The following ABCA13 variants were observed in gnomAD, a reference collection of about 807,000 sequenced individuals.
The protein encoded by ABCA13 is ATP-binding cassette sub-family A member 13.
Under a neutral mutation model 478.7 loss-of-function variants are expected in ABCA13, and 476 were observed. That is an observed-to-expected ratio of 0.99 (90% CI 0.92 to 1.07). ABCA13 has a LOEUF of 1.07. ABCA13 is among the 50% of genes least tolerant of loss of function. The pLI is 0.00. For missense variants in ABCA13, 6,060 were observed against 5,910.6 expected (o/e 1.03, Z -0.83); for synonymous variants, 2,252 against 2,158.9 (o/e 1.04, Z -1.20).
In ABCA13 at chr7:48,219,478, CT is replaced by C; in HGVS notation, c.415del (p.Trp139GlyfsTer2). 6.2e-7 allele frequency: 1 copy of C among 1,612,834 alleles called. No homozygotes were observed. Among genetic ancestry groups the C allele is most frequent in the Non-Finnish European group, 8.5e-7 (1 of 1,179,408 alleles). Reference sequence around the variant, plus strand: ...GGACAAGGCAAAAAACTTAAAAAGACTTTGGGTAGAACGATCCAACACTCCA... The same window carrying C: ...GGACAAGGCAAAAAACTTAAAAAGACTTGGGTAGAACGATCCAACACTCCA... ...MMDKAKNLKRLWVERSNTPDS... is the reference protein window; with the variant it reads ...MMDKAKNLKRXWVERSNTPDS... On this transcript the variant is annotated frameshift_variant, in exon 4 of 62. Transcript: ENST00000435803. LOFTEE classifies it high-confidence loss of function.
intron 15 of ABCA13, among the ~76,000 whole-genome samples, chr7:48,268,774 T>C (rs1038980525): frequency 1.3e-5 from 2 of 152,070 alleles, no homozygotes; most frequent in Non-Finnish European, 2.9e-5. Flanking sequence ...ATCAGTATAT[T>C]ACATTGCTCG....
chr7:48,627,095 A>G, intron 59 of ABCA13: 2 of 960,522 alleles, frequency 2.1e-6, no homozygotes, highest in Non-Finnish European at 2.5e-6. Context: ...AATTTGCCAA[A>G]TGCTTTCTGT....
intron 15 of ABCA13, among the ~76,000 whole-genome samples, chr7:48,259,237 G>T (rs1397490682): frequency 6.6e-6 from 1 of 152,098 alleles, no homozygotes; most frequent in African/African-American, 2.4e-5. Flanking sequence ...GGTTGTGTAA[G>T]TTTCATTGTA....
chr7:48,409,063 A>T (rs185329506), intron 39 of ABCA13, among the ~76,000 whole-genome samples: 9 of 152,366 alleles, frequency 5.9e-5, no homozygotes, highest in African/African-American at 1.2e-4. Context: ...TAATGATCAA[A>T]TCAGGGTAAT....
chr7:48,392,153 T>C lies in ABCA13; in HGVS notation c.11873+14T>C. ...GCAAGTCAATCAGTTAGTAAACAGT[T>C]GTCTCTCTGCTCCTCCTGCCTCTGC... On this transcript the variant is annotated intron_variant, in intron 38 of 61. Coordinates refer to ENST00000435803, the MANE Select transcript of ABCA13 (RefSeq NM_152701.5). The C allele has an allele frequency of 6.2e-6, 10 of 1,611,324 alleles. No homozygotes were observed. Among genetic ancestry groups the C allele is most frequent in the Non-Finnish European group, 8.5e-6 (10 of 1,178,134 alleles).
intron 55 of ABCA13, among the ~76,000 whole-genome samples, chr7:48,534,482 G>A (rs778267325): frequency 4.6e-5 from 7 of 152,054 alleles, no homozygotes; most frequent in East Asian, 1.9e-4. Flanking sequence ...TCCTTAAAAC[G>A]TAGGTGATGA....
chr7:48,467,041 C>T lies in ABCA13; in HGVS notation c.12901C>T (p.Arg4301Cys), dbSNP rs773730745. The T allele has an allele frequency of 5.4e-5, 87 of 1,613,828 alleles. No individual in the cohort carries two copies. The highest frequency in any genetic ancestry group is 6.7e-5 in the Non-Finnish European group (79 of 1,179,840). The change falls in exon 44 of 62, where the codon CGC becomes TGC. Residue 4301 changes from arginine (R) to cysteine (C), a missense_variant. Physicochemically the swap from Arg to Cys is radical, Grantham distance 180 (BLOSUM62 -3). Transcript: ENST00000435803. Reference protein sequence around the residue: ...QDLPCADLNPRQKNSSCWRTD... With the variant: ...QDLPCADLNPCQKNSSCWRTD... ...TTTGCCCTGTGCAGATTTAAACCCA[C>T]GCCAGTAAGTGTCAGGTGCTCTCTG...
At chr7:48,382,939 A>T (rs988316072) in intron 35 of ABCA13, among the ~76,000 whole-genome samples, 4 of 152,030 alleles carry the variant, frequency 2.6e-5, no homozygotes, top group African/African-American at 7.3e-5. Context: ...AGGGCAAGGG[A>T]TATGATGTTC....
chr7:48,253,433 T>C (rs967064483), intron 15 of ABCA13, among the ~76,000 whole-genome samples: 3 of 152,216 alleles, frequency 2.0e-5, no homozygotes, highest in Non-Finnish European at 2.9e-5. Context: ...ATGAAGGGGA[T>C]GAAGAGTGAA....
chr7:48,463,341 G>T (rs1162638244), intron 43 of ABCA13, among the ~76,000 whole-genome samples: 1 of 152,170 alleles, frequency 6.6e-6, no homozygotes, highest in African/African-American at 2.4e-5. Context: ...TGGGCTGCCA[G>T]TACTTTCTGT....
At chr7:48,441,582 C>T (rs527475097) in intron 42 of ABCA13, among the ~76,000 whole-genome samples, 1 of 152,124 alleles carries the variant, frequency 6.6e-6, no homozygotes, top group African/African-American at 2.4e-5. Context: ...TTATGAAGAC[C>T]GATGCCTGCA....
intron 50 of ABCA13, 43 bp downstream of exon 50, chr7:48,508,092 A>G: frequency 6.2e-7 from 1 of 1,612,716 alleles, no homozygotes; most frequent in Non-Finnish European, 8.5e-7. Flanking sequence ...CACAATAGTG[A>G]TCTAAATAGT....
chr7:48,202,123 T>G (rs573958645), intron 3 of ABCA13, among the ~76,000 whole-genome samples: 1 of 152,250 alleles, frequency 6.6e-6, no homozygotes, highest in South Asian at 2.1e-4. Flanking sequence ...GTAGCAAGAT[T>G]TATTGCAAGG....
intron 39 of ABCA13, 64 bp from the exon 40 acceptor site, chr7:48,410,456 G>C (rs1353620576): frequency 3.8e-6 from 6 of 1,591,304 alleles, no homozygotes; most frequent in Non-Finnish European, 5.2e-6. Context: ...CCTGAGGAAA[G>C]GAGGGAAGGT....
intron 15 of ABCA13, among the ~76,000 whole-genome samples, chr7:48,249,954 A>G (rs1346860333): frequency 1.3e-5 from 2 of 152,180 alleles, no homozygotes; most frequent in Non-Finnish European, 2.9e-5. Flanking sequence ...GCTCAGTCCC[A>G]CAAGATTGCC....
At chr7:48,495,027 A>C (rs1182436794) in intron 48 of ABCA13, among the ~76,000 whole-genome samples, 2 of 152,194 alleles carry the variant, frequency 1.3e-5, no homozygotes, top group African/African-American at 2.4e-5. Flanking sequence ...ATGATGTAAG[A>C]AGAAAATGAA....
chr7:48,414,232 C>G (rs1054093423), intron 41 of ABCA13, among the ~76,000 whole-genome samples: 1 of 152,204 alleles, frequency 6.6e-6, no homozygotes, highest in Admixed American at 6.5e-5. Flanking sequence ...AGCGGATTCC[C>G]AGATTCCTCA....
intron 41 of ABCA13, among the ~76,000 whole-genome samples, chr7:48,421,493 A>G (rs916829796): frequency 5.3e-5 from 8 of 152,220 alleles, no homozygotes; most frequent in Admixed American, 1.3e-4. Flanking sequence ...TTTGAGGCTC[A>G]TGTCATACCA....
intron 59 of ABCA13, among the ~76,000 whole-genome samples, chr7:48,622,962 C>T (rs1793293277): frequency 6.6e-6 from 1 of 152,314 alleles, no homozygotes; most frequent in South Asian, 2.1e-4. Flanking sequence ...TGCATCATCT[C>T]ATGATTGTCC....
Sources: gnomAD v4.1 joint callset for allele counts (sites outside exome capture counted in the v4.1 genomes callset) on GRCh38, gnomAD v4.1.1 for gene constraint, MANE v1.5 for transcripts, NCBI Gene and HGNC (gene_info 2026-07-23, HGNC 2026-07-21) for gene names.